AKNA: variants seen among roughly 807,000 people sequenced by gnomAD.
AKNA encodes the protein microtubule organization protein AKNA.
A neutral mutation model predicts 138.8 loss-of-function variants in AKNA; 67 were observed. The observed-to-expected ratio is 0.48, with a 90% CI of 0.40 to 0.59. The LOEUF (loss-of-function observed/expected upper bound fraction) is 0.59. Among genes scored for constraint, AKNA ranks in the 20% least tolerant of loss-of-function variants. The probability of loss-of-function intolerance (pLI) is 0.00; values close to 1 mark genes in which losing one functional copy is unlikely to be tolerated. For missense variants in AKNA, 1,813 were observed against 1,880.4 expected (o/e 0.96, Z 0.66); for synonymous variants, 737 against 754.4 (o/e 0.98, Z 0.38).
chr9:114,354,189 C>CT (rs1178322524), intron 14 of AKNA, among the ~76,000 whole-genome samples: 6 of 151,776 alleles, frequency 4.0e-5, no homozygotes, highest in South Asian at 2.1e-4. Context: ...CTATTTTTAA[C>CT]TTTTTTTTAA....
intron 4 of AKNA, among the ~76,000 whole-genome samples, chr9:114,371,093 C>T (rs1355801277): frequency 6.6e-6 from 1 of 152,190 alleles, no homozygotes; most frequent in African/African-American, 2.4e-5. Flanking sequence ...GTGTAGAGAA[C>T]AGAGCCCACC....
At chr9:114,368,713 T>C (rs1015698171) in intron 4 of AKNA, 118 bp from the exon 5 acceptor site, 3 of 916,200 alleles carry the variant, frequency 3.3e-6, no homozygotes, top group Non-Finnish European at 1.4e-6. Context: ...ATACCATCTT[T>C]CAGTGCAGCC....
upstream of AKNA, among the ~76,000 whole-genome samples, chr9:114,389,459 G>C (rs983119313): frequency 8.5e-5 from 13 of 152,142 alleles, no homozygotes; most frequent in African/African-American, 3.1e-4. Context: ...GTGGACCTGG[G>C]TTCAAATCCC....
downstream of AKNA, chr9:114,331,599 T>A (rs142776732): frequency 4.3e-6 from 7 of 1,613,772 alleles, no homozygotes; most frequent in East Asian, 2.2e-5. Context: ...TCACCTGCTG[T>A]TCCTTAGGGA....
At chr9:114,377,594 C>T (rs914153620) in intron 2 of AKNA, 62 bp from the exon 3 acceptor site, 16 of 1,457,410 alleles carry the variant, frequency 1.1e-5, no homozygotes, top group African/African-American at 1.4e-5. Context: ...TTGTAACTTA[C>T]CCTAAGTCAC....
At chr9:114,368,840 T>A (rs1401814477) in intron 4 of AKNA, among the ~76,000 whole-genome samples, 1 of 152,148 alleles carries the variant, frequency 6.6e-6, no homozygotes, top group Non-Finnish European at 1.5e-5. Context: ...AAGAAAAAAC[T>A]GAGACACAGA....
upstream of AKNA, among the ~76,000 whole-genome samples, chr9:114,390,084 A>G (rs925880867): frequency 3.3e-5 from 5 of 152,146 alleles, no homozygotes; most frequent in Non-Finnish European, 5.9e-5. Context: ...TAACCCAGGC[A>G]GCATTAACCC....
Position 114,381,288 on chromosome 9 carries a change from C to T in AKNA, c.46G>A (p.Gly16Arg), listed in dbSNP as rs1833652669. ...TEIRWAEPGL[G>R]KGPQRRRWAW... ...CAGCGCCGCCGCTGGGGGCCCTTCC[C>T]CAGGCCAGGCTCAGCCCAGCGGATC... is the stretch of plus-strand genomic sequence containing the variant. Residue 16 changes from glycine (G) to arginine (R), a missense_variant, in exon 2 of 22, where the codon GGG becomes AGG. Gly to Arg is a moderately radical substitution (Grantham distance 125, BLOSUM62 -2). Coordinates refer to ENST00000374088, the MANE Select transcript of AKNA (RefSeq NM_001317950.2). 6.2e-7 allele frequency: 1 copy of T among 1,611,102 alleles called. No individual in the cohort carries two copies. Among genetic ancestry groups the T allele is most frequent in the African/African-American group, 1.3e-5 (1 of 74,878 alleles).
At chr9:114,388,036 C>T (rs763458374), upstream of AKNA, 183 of 271,562 alleles carry the variant, frequency 6.7e-4, no homozygotes, top group Non-Finnish European at 1.3e-3. Flanking sequence ...TCTCCCCGCC[C>T]CTGCCGTGGT....
At chr9:114,362,573 C>T in intron 7 of AKNA, 40 bp from the exon 8 acceptor site, 1 of 1,596,476 alleles carries the variant, frequency 6.3e-7, no homozygotes, top group Non-Finnish European at 8.5e-7. Context: ...AGTGCTCAGT[C>T]CCCGCGGGGC....
rs146528402 is a variant in AKNA, at chr9:114,386,421, C to T, written c.-114+1439G>A. Among the ~76,000 whole-genome samples, 238 of 152,292 alleles carry T rather than the reference C, an allele frequency of 1.6e-3. 1 individual carries two copies. The highest frequency in any genetic ancestry group is 5.4e-3 in the African/African-American group (224 of 41,550). ...AAGGCACGTAGGTCTGAAAGTATGG[C>T]CTGACCTTGAAGGAGAGCTATGGGC... On this transcript the variant is annotated intron_variant, in intron 1 of 21. Transcript: ENST00000374088.
rs867491099 is a variant in AKNA at position 114,374,107 on chromosome 9, G to A, written c.1402C>T (p.Arg468Cys). ...CGGCCTGGTACCTTGGCCCCGAGGCGTAGCTGGTCAATGGTGTTCTCGGCC... is the reference window on the plus strand; with the variant it reads ...CGGCCTGGTACCTTGGCCCCGAGGCATAGCTGGTCAATGGTGTTCTCGGCC... Reference protein sequence around the residue: ...AEAENTIDQLRLGAKVNLFSD... With the variant: ...AEAENTIDQLCLGAKVNLFSD... Residue 468 changes from arginine (R) to cysteine (C), a missense_variant, in exon 4 of 22, where the codon CGC becomes TGC. By Grantham distance (180) the Arg-to-Cys change is radical. Coordinates refer to ENST00000374088, the MANE Select transcript of AKNA (RefSeq NM_001317950.2). 9.6e-6 allele frequency: 15 copies of A among 1,557,482 alleles called. No homozygotes were observed. The highest frequency in any genetic ancestry group is 2.7e-5 in the African/African-American group (2 of 73,382).
At chr9:114,384,154 G>C (rs1833874322) in intron 1 of AKNA, among the ~76,000 whole-genome samples, 1 of 152,136 alleles carries the variant, frequency 6.6e-6, no homozygotes, top group African/African-American at 2.4e-5. Context: ...CTGGCCTAGT[G>C]GTACCCCAAT....
intron 15 of AKNA, among the ~76,000 whole-genome samples, chr9:114,349,712 T>C (rs548574878): frequency 2.5e-4 from 38 of 152,350 alleles, no homozygotes; most frequent in African/African-American, 9.1e-4. Flanking sequence ...TCAGGCCCTG[T>C]AGGATCTCCC....
At chr9:114,364,742 C>CA (rs2131955064) in intron 6 of AKNA, 123 bp from the exon 7 acceptor site, 1 of 1,026,640 alleles carries the variant, frequency 9.7e-7, no homozygotes, top group East Asian at 2.5e-5. Flanking sequence ...GGGTTTCTGC[C>CA]AAGCATGGAG....
At chr9:114,352,920 CAA>C (rs111877355) in intron 14 of AKNA, among the ~76,000 whole-genome samples, 3 of 134,630 alleles carry the variant, frequency 2.2e-5, no homozygotes. Context: ...GACTCCATCT[CAA>C]AAAAAAAAAA....
At chr9:114,374,958 C>T (rs1691827341) in intron 3 of AKNA, among the ~76,000 whole-genome samples, 1 of 152,182 alleles carries the variant, frequency 6.6e-6, no homozygotes. Context: ...GGAATGAGAG[C>T]ATTAGCATAC....
intron 9 of AKNA, 85 bp from the exon 10 acceptor site, chr9:114,360,147 T>G: frequency 6.4e-7 from 1 of 1,567,392 alleles, no homozygotes; most frequent in Non-Finnish European, 8.7e-7. Flanking sequence ...AGGCTCGAGC[T>G]GTGGGCTGCG....
At chr9:114,367,755 G>T (rs894679860) in intron 5 of AKNA, 58 bp from the exon 6 acceptor site, 2 of 1,497,208 alleles carry the variant, frequency 1.3e-6, no homozygotes, top group Non-Finnish European at 1.8e-6. Flanking sequence ...GGAGCTGAAG[G>T]ACTGAGGCTG....
Sources: allele counts gnomAD v4.1 joint callset (sites outside exome capture counted in the v4.1 genomes callset), GRCh38; gene constraint gnomAD v4.1.1; transcripts MANE v1.5; gene names NCBI Gene and HGNC (gene_info 2026-07-23, HGNC 2026-07-21).